Variants in COL4A2 observed in about 807,000 individuals in gnomAD.
COL4A2 encodes collagen type IV alpha 2 chain.
In COL4A2, 99 loss-of-function variants were observed where a neutral mutation model predicts 200.2. That is an observed-to-expected ratio of 0.49 (90% CI 0.42 to 0.58). COL4A2 has a LOEUF of 0.58. Ranked by LOEUF, COL4A2 falls within the 20% of genes least tolerant of loss-of-function variation. The probability of loss-of-function intolerance (pLI) is 0.00; values close to 1 mark genes in which losing one functional copy is unlikely to be tolerated. For missense variants in COL4A2, 1,950 were observed against 2,314.1 expected (o/e 0.84, Z 3.23); for synonymous variants, 897 against 900.6 (o/e 1.00, Z 0.07).
chr13:110,449,571 A>G (rs1460354772), intron 18 of COL4A2, 108 bp from the exon 19 acceptor site: 4 of 1,064,230 alleles, frequency 3.8e-6, no homozygotes, highest in Non-Finnish European at 5.3e-6. Flanking sequence ...CAGGCCGCAT[A>G]CAGCATATGG....
intron 4 of COL4A2, among the ~76,000 whole-genome samples, chr13:110,364,461 AG>A (rs1390294657): frequency 6.6e-6 from 1 of 152,182 alleles, no homozygotes; most frequent in South Asian, 2.1e-4. Flanking sequence ...TGGCGAGTGG[AG>A]GAGGGGCCAG....
At chr13:110,326,006 G>A (rs1462894417) in intron 3 of COL4A2, among the ~76,000 whole-genome samples, 2 of 152,152 alleles carry the variant, frequency 1.3e-5, no homozygotes, top group African/African-American at 4.8e-5. Flanking sequence ...GGCTGGTCTT[G>A]AACTCCTGAC....
intron 3 of COL4A2, among the ~76,000 whole-genome samples, chr13:110,349,229 T>C (rs2139379175): frequency 6.6e-6 from 1 of 152,338 alleles, no homozygotes; most frequent in South Asian, 2.1e-4. Flanking sequence ...TTTAGTGTCC[T>C]AAATATAAGG....
chr13:110,436,252 T>G lies in COL4A2; in HGVS notation c.727-17T>G, dbSNP rs748735723. The G allele has an allele frequency of 3.1e-6, 5 of 1,613,628 alleles. No individual in the cohort carries two copies. The highest frequency in any genetic ancestry group is 3.4e-6 in the Non-Finnish European group (4 of 1,179,812). On this transcript the variant is annotated splice_polypyrimidine_tract_variant and intron_variant, in intron 12 of 47. Transcript: ENST00000360467. ...CTTTCGATTTAAAGACAACTGCTTT[T>G]GCTTAACAATATGCAGGGTGACGTA... is the stretch of plus-strand genomic sequence containing the variant.
Position 110,503,788 on chromosome 13 carries a change from G to A in COL4A2, c.4139-59G>A, listed in dbSNP as rs538045974. 121 of 1,598,112 alleles carry A rather than the reference G, an allele frequency of 7.6e-5. 1 individual carries two copies. The East Asian group carries it at 1.3e-3, about 17-fold the overall frequency. On this transcript the variant is annotated intron_variant, in intron 43 of 47. Transcript: ENST00000360467. The stretch of plus-strand genomic sequence containing the variant: ...CCTGGTGAGAAACGCAGTAGCACTC[G>A]GAGCAAGAGAGTGGAACGACCTTGT...
At chr13:110,408,565 G>T (rs185381162) in intron 4 of COL4A2, among the ~76,000 whole-genome samples, 101 of 152,290 alleles carry the variant, frequency 6.6e-4, no homozygotes, top group African/African-American at 2.4e-3. Flanking sequence ...TTCCAGACAT[G>T]CAGAGCCGCC....
In COL4A2 at chr13:110,388,121, G is replaced by A. The variant is rs115594984; in HGVS notation, c.180+30569G>A. Among the ~76,000 whole-genome samples the A allele has an allele frequency of 4.8e-3, 727 of 152,354 alleles. 4 individuals are homozygous for A. The highest frequency in any genetic ancestry group is 0.015 in the African/African-American group (613 of 41,572). The stretch of plus-strand genomic sequence containing the variant: ...TGGCCCAGAAGGCTGAGGGACAGGG[G>A]CCTATGTAAGCTTCACGGGAACAGA... On this transcript the variant is annotated intron_variant, in intron 4 of 47. Transcript: ENST00000360467.
intron 27 of COL4A2, among the ~76,000 whole-genome samples, chr13:110,467,354 G>A (rs1461426753): frequency 1.3e-5 from 2 of 152,234 alleles, no homozygotes; most frequent in Non-Finnish European, 1.5e-5. Context: ...GCAGGGGAAC[G>A]CCCCCAGGGG....
chr13:110,334,215 A>G (rs1876064152), intron 3 of COL4A2, among the ~76,000 whole-genome samples: 1 of 152,254 alleles, frequency 6.6e-6, no homozygotes, highest in African/African-American at 2.4e-5. Context: ...TAGGTTGGAC[A>G]GTAAAATCGG....
chr13:110,340,843 G>A (rs7335876), intron 3 of COL4A2: 97,523 of 151,952 alleles, frequency 0.64, 33,087 homozygotes, highest in Middle Eastern at 0.81. Context: ...CTCTCGGGGC[G>A]TTTTCAGCCA....
intron 40 of COL4A2, 93 bp downstream of exon 40, chr13:110,495,560 CTG>C: frequency 6.7e-7 from 1 of 1,499,804 alleles, no homozygotes; most frequent in Non-Finnish European, 8.9e-7. Context: ...GTGGGAGAGG[CTG>C]TGCAGAAGTG....
rs1219674836 is a variant in COL4A2, at chr13:110,457,161, G to A, written c.1340-182G>A. The A allele has an allele frequency of 1.6e-5, 6 of 371,212 alleles. No homozygotes were observed. The East Asian group carries it at 2.1e-4, about 13-fold the overall frequency. 23.0% of individuals were successfully genotyped at this position (371,212 alleles called of 1,614,324 possible). On this transcript the variant is annotated intron_variant, in intron 20 of 47. Transcript: ENST00000360467. ...CGTGGGGCTGATGCCGTGCGTCTGCGTGGGACCCCAGGCGTCCGTGGGGCT... is the reference window on the plus strand; with the variant it reads ...CGTGGGGCTGATGCCGTGCGTCTGCATGGGACCCCAGGCGTCCGTGGGGCT...
intron 7 of COL4A2, chr13:110,429,042 T>C (rs1010226668): frequency 1.3e-5 from 2 of 153,448 alleles, no homozygotes; most frequent in African/African-American, 4.8e-5. Context: ...ATTTATTTTT[T>C]AAGGTCTTGG....
intron 4 of COL4A2, among the ~76,000 whole-genome samples, chr13:110,423,455 G>T (rs1880339528): frequency 6.6e-6 from 1 of 152,106 alleles, no homozygotes; most frequent in Non-Finnish European, 1.5e-5. Flanking sequence ...CGGGGGGAGG[G>T]AGAGCATCAG....
At chr13:110,491,169 G>T in intron 36 of COL4A2, 64 bp from the exon 37 acceptor site, 1 of 1,131,276 alleles carries the variant, frequency 8.8e-7, no homozygotes, top group Non-Finnish European at 1.3e-6. Flanking sequence ...CTAGAGCCGG[G>T]GTTCCAGGGA....
intron 3 of COL4A2, among the ~76,000 whole-genome samples, chr13:110,344,959 G>A (rs966689533): frequency 6.6e-6 from 1 of 152,118 alleles, no homozygotes; most frequent in African/African-American, 2.4e-5. Flanking sequence ...GGTATTGAGT[G>A]GTCTGCCCCA....
chr13:110,458,934 G>T lies in COL4A2; in HGVS notation c.1596G>T (p.Lys532Asn). 3 of 1,552,844 alleles carry T rather than the reference G, an allele frequency of 1.9e-6. No homozygotes were observed. The change falls in exon 22 of 48, where the codon AAG (lysine) becomes AAT (asparagine). Residue 532 changes from lysine (K) to asparagine (N), a missense_variant and splice_region_variant. Coordinates refer to ENST00000360467, the MANE Select transcript of COL4A2 (RefSeq NM_001846.4). ...QHGLPGFPGLKGVPGNIGAPG... is the reference protein window; with the variant it reads ...QHGLPGFPGLNGVPGNIGAPG... Reference sequence around the variant, plus strand: ...GCCTCCCTGGGTTCCCAGGGCTCAAGGTGAGGAGCAATTTCATCATGAAGC... The same window carrying T: ...GCCTCCCTGGGTTCCCAGGGCTCAATGTGAGGAGCAATTTCATCATGAAGC...
At chr13:110,490,922 C>T (rs942481307) in intron 36 of COL4A2, among the ~76,000 whole-genome samples, 4 of 152,102 alleles carry the variant, frequency 2.6e-5, no homozygotes, top group Non-Finnish European at 4.4e-5. Context: ...CACCAGAAGA[C>T]GGTATTTCGG....
intron 3 of COL4A2, among the ~76,000 whole-genome samples, chr13:110,317,584 C>T (rs912704399): frequency 6.6e-6 from 1 of 152,122 alleles, no homozygotes; most frequent in African/African-American, 2.4e-5. Flanking sequence ...AAAGTAAAGG[C>T]TAAGATGACT....
Sources: gnomAD v4.1 joint callset for allele counts (sites outside exome capture counted in the v4.1 genomes callset) on GRCh38, gnomAD v4.1.1 for gene constraint, MANE v1.5 for transcripts, NCBI Gene and HGNC (gene_info 2026-07-23, HGNC 2026-07-21) for gene names.